Variants in LAMB1 observed in about 807,000 individuals in gnomAD.
LAMB1 encodes laminin subunit beta-1.
LAMB1 carries 121 observed loss-of-function variants against 222.3 expected under a neutral mutation model. That is an observed-to-expected ratio of 0.54 (90% CI 0.47 to 0.63). The LOEUF is 0.63. Ranked by LOEUF, LAMB1 falls within the 30% of genes least tolerant of loss-of-function variation. The pLI is 0.00. For synonymous variants in LAMB1, 794 were observed against 807.2 expected (o/e 0.98, Z 0.28); for missense variants, 2,172 against 2,240.8 (o/e 0.97, Z 0.62).
rs148274957 is a variant in LAMB1, at chr7:108,001,495, G to T, written c.213+63C>A. ...GAAGGATGCGGAGTCCCCAGGGCCT[G>T]CCCCTTAGGTCTGGACGGGAGGAGG... On this transcript the variant is annotated intron_variant, in intron 3 of 33. Transcript: ENST00000222399. 102 of 1,480,752 alleles carry T rather than the reference G, an allele frequency of 6.9e-5. No homozygotes were observed. The African/African-American group carries it at 1.3e-3, about 19-fold the overall frequency. 91.7% of individuals were successfully genotyped at this position (1,480,752 alleles called of 1,614,324 possible).
intron 5 of LAMB1, among the ~76,000 whole-genome samples, chr7:107,988,967 C>T (rs755950042): frequency 7.9e-5 from 12 of 152,170 alleles, no homozygotes; most frequent in Non-Finnish European, 1.5e-4. Flanking sequence ...GGCACCCTCA[C>T]AACACATTTG....
At chr7:107,924,478 C>G in intron 32 of LAMB1, 89 bp from the exon 33 acceptor site, 1 of 1,012,408 alleles carries the variant, frequency 9.9e-7, no homozygotes, top group Non-Finnish European at 1.4e-6. Context: ...GGCATGCATT[C>G]TGGATTAAGG....
intron 28 of LAMB1, chr7:107,931,864 A>G (rs2032719395): frequency 2.0e-6 from 1 of 501,612 alleles, no homozygotes; most frequent in Admixed American, 3.4e-5. Context: ...AGTTTTTGTC[A>G]TACAGCTGGA....
chr7:107,994,324 T>C (rs1170552613), intron 5 of LAMB1, among the ~76,000 whole-genome samples: 1 of 152,222 alleles, frequency 6.6e-6, no homozygotes, highest in Non-Finnish European at 1.5e-5. Flanking sequence ...ACACATTTCT[T>C]AAGGAACTGT....
rs1208367265 is a variant in LAMB1 at position 108,001,923 on chromosome 7, A to AACCCACACACG, written c.38-191_38-190insCGTGTGTGGGT. 21 of 1,459,238 alleles carry AACCCACACACG rather than the reference A, an allele frequency of 1.4e-5. No homozygotes were observed. The East Asian group carries it at 4.3e-4, about 30-fold the overall frequency. 90.4% of individuals were successfully genotyped at this position (1,459,238 alleles called of 1,614,324 possible). On this transcript the variant is annotated intron_variant, in intron 2 of 33. Transcript: ENST00000222399. ...CTGGGAAGGCAGGGACTCCGAAAGG[A>AACCCACACACG]GAAGGACACGGAAAGAAACCCACAC...
intron 18 of LAMB1, 129 bp from the exon 19 acceptor site, chr7:107,959,963 G>A (rs1562990016): frequency 1.6e-6 from 2 of 1,267,246 alleles, no homozygotes; most frequent in Non-Finnish European, 2.1e-6. Context: ...TCCCTATGAT[G>A]AGCGGAAGGG....
At chr7:107,929,022 T>A in intron 31 of LAMB1, 42 bp downstream of exon 31, 1 of 1,584,696 alleles carries the variant, frequency 6.3e-7, no homozygotes. Context: ...TAAGTGTATA[T>A]GTAGGTGTGT....
At position 107,951,219 on chromosome 7, in the gene LAMB1, A is replaced by C. The variant is rs1305383939; in HGVS notation, c.3391+7T>G. 1 of 1,612,230 alleles carries C rather than the reference A, an allele frequency of 6.2e-7. No homozygotes were observed. Among genetic ancestry groups the C allele is most frequent in the Non-Finnish European group, 8.5e-7 (1 of 1,178,296 alleles). The stretch of plus-strand genomic sequence containing the variant: ...ATCAAGTCAATGCGAGAACGCCCAC[A>C]ACTCACCTCGGCACTCCACGTCGGG... On this transcript the variant is annotated splice_region_variant and intron_variant, in intron 24 of 33. Coordinates refer to ENST00000222399, the MANE Select transcript of LAMB1 (RefSeq NM_002291.3).
At chr7:107,985,352 G>A (rs537501002) in intron 7 of LAMB1, among the ~76,000 whole-genome samples, 9 of 152,308 alleles carry the variant, frequency 5.9e-5, no homozygotes, top group African/African-American at 1.4e-4. Context: ...GGCCAGGCGC[G>A]CTGGTTCACG....
intron 5 of LAMB1, among the ~76,000 whole-genome samples, chr7:107,991,947 T>C (rs914383230): frequency 6.6e-6 from 1 of 151,354 alleles, no homozygotes; most frequent in African/African-American, 2.4e-5. Context: ...GATTCATCAG[T>C]TGTAATGGCT....
At chr7:108,002,150 C>A in intron 2 of LAMB1, 1 of 1,444,446 alleles carries the variant, frequency 6.9e-7, no homozygotes, top group Non-Finnish European at 9.2e-7. Context: ...CCCGCGTGCA[C>A]GCGGCAGCCC....
intron 13 of LAMB1, among the ~76,000 whole-genome samples, chr7:107,969,708 G>C (rs6951130): frequency 0.014 from 2,071 of 152,284 alleles, 58 homozygotes; most frequent in African/African-American, 0.047. Context: ...GTAGAGTATA[G>C]CCTATTGCTC....
chr7:107,974,916 G>T, intron 12 of LAMB1, 70 bp downstream of exon 12: 1 of 898,312 alleles, frequency 1.1e-6, no homozygotes, highest in Non-Finnish European at 1.8e-6. Flanking sequence ...CTACAATGGC[G>T]AAAAGGCTTC....
Position 107,960,584 on chromosome 7 carries a change from C to T in LAMB1, c.2175G>A (p.Val725=). The part of the protein sequence containing the change: ...IFTVGGSGDG[V]VTNSAWETFQ... The stretch of plus-strand genomic sequence containing the variant: ...AGGTTTCCCAGGCACTGTTGGTGAC[C>T]ACCCCATCTCCTGAACCTCCCACGG... Residue 725 remains valine (V), a synonymous_variant, in exon 18 of 34, where the codon GTG becomes GTA. Transcript: ENST00000222399. The T allele has an allele frequency of 6.2e-7, 1 of 1,614,192 alleles. No homozygotes were observed. Among genetic ancestry groups the T allele is most frequent in the Non-Finnish European group, 8.5e-7 (1 of 1,180,004 alleles).
At chr7:107,992,207 GC>G (rs1402080676) in intron 5 of LAMB1, among the ~76,000 whole-genome samples, 3 of 152,076 alleles carry the variant, frequency 2.0e-5, no homozygotes, top group Non-Finnish European at 2.9e-5. Context: ...TCCCTTCCTG[GC>G]CCAGGTCAAG....
chr7:107,941,813 C>T (rs1369569009), intron 24 of LAMB1, among the ~76,000 whole-genome samples: 4 of 142,026 alleles, frequency 2.8e-5, no homozygotes, highest in Non-Finnish European at 6.0e-5. Context: ...CATGCGCCAC[C>T]ACACCCGGCT....
chr7:107,941,485 G>A (rs1009912066), intron 24 of LAMB1, among the ~76,000 whole-genome samples: 4 of 152,066 alleles, frequency 2.6e-5, no homozygotes, highest in South Asian at 2.1e-4. Context: ...TTTCAGCATC[G>A]GACTCAGGGT....
intron 12 of LAMB1, among the ~76,000 whole-genome samples, chr7:107,974,277 G>A (rs1011701731): frequency 5.3e-5 from 8 of 151,492 alleles, no homozygotes; most frequent in African/African-American, 1.9e-4. Flanking sequence ...GAACTTTTTG[G>A]TGTATTTCCT....
At chr7:107,927,301 G>T (rs186625277) in intron 31 of LAMB1, among the ~76,000 whole-genome samples, 2 of 152,200 alleles carry the variant, frequency 1.3e-5, no homozygotes, top group Admixed American at 1.3e-4. Context: ...TTAGTTAGAG[G>T]TTCTCTTTGT....
Sources: allele counts gnomAD v4.1 joint callset (sites outside exome capture counted in the v4.1 genomes callset), GRCh38; gene constraint gnomAD v4.1.1; transcripts MANE v1.5; gene names NCBI Gene and HGNC (gene_info 2026-07-23, HGNC 2026-07-21).